Variants in SMAD6 observed in about 807,000 individuals in gnomAD.
SMAD6 encodes the protein SMAD family member 6.
SMAD6 carries 103 observed loss-of-function variants against 39.4 expected under a neutral mutation model. The observed-to-expected ratio is 2.62, with a 90% confidence interval of 2.23 to 3.08. The LOEUF (loss-of-function observed/expected upper bound fraction) is 3.08. SMAD6 is among the 30% of genes most tolerant of loss of function. SMAD6 has a pLI of 0.00. For missense variants in SMAD6, 1,104 were observed against 742.9 expected (o/e 1.49, Z -5.65); for synonymous variants, 445 against 353.3 (o/e 1.26, Z -2.91).
At chr15:66,732,031 C>T (rs529564213) in intron 3 of SMAD6, among the ~76,000 whole-genome samples, 55 of 150,636 alleles carry the variant, frequency 3.7e-4, no homozygotes, top group African/African-American at 1.2e-3. Flanking sequence ...GTAACCTCTG[C>T]CTCCCGGGTT....
chr15:66,741,920 G>T (rs1893822342), intron 3 of SMAD6, among the ~76,000 whole-genome samples: 1 of 152,176 alleles, frequency 6.6e-6, no homozygotes, highest in South Asian at 2.1e-4. Context: ...CTCCTGGTTG[G>T]GGTTCCCTGC....
intron 3 of SMAD6, among the ~76,000 whole-genome samples, chr15:66,779,939 G>C (rs1567115467): frequency 6.6e-6 from 1 of 152,342 alleles, no homozygotes; most frequent in East Asian, 1.9e-4. Flanking sequence ...GGCCACATGA[G>C]AGCAGGGAGC....
chr15:66,717,101 G>A (rs749807803), intron 3 of SMAD6: 62 of 1,288,766 alleles, frequency 4.8e-5, no homozygotes, highest in African/African-American at 6.1e-5. Context: ...CCCTACATCC[G>A]GAGGAATACC....
At chr15:66,734,340 C>A (rs1366295732) in intron 3 of SMAD6, among the ~76,000 whole-genome samples, 1 of 152,172 alleles carries the variant, frequency 6.6e-6, no homozygotes, top group Non-Finnish European at 1.5e-5. Flanking sequence ...CACTGGAACG[C>A]ATTAATGCTC....
At chr15:66,768,202 G>A (rs1291115980) in intron 3 of SMAD6, among the ~76,000 whole-genome samples, 1 of 151,978 alleles carries the variant, frequency 6.6e-6, no homozygotes, top group Non-Finnish European at 1.5e-5. Context: ...GAACTCCTGG[G>A]CGCAAGTGAA....
intron 3 of SMAD6, among the ~76,000 whole-genome samples, chr15:66,760,715 C>T (rs1014517145): frequency 6.6e-6 from 1 of 152,200 alleles, no homozygotes; most frequent in Admixed American, 6.5e-5. Flanking sequence ...TCCTCAAACA[C>T]ACCCAGACAC....
intron 3 of SMAD6, among the ~76,000 whole-genome samples, chr15:66,776,673 T>C (rs1191873818): frequency 6.6e-6 from 1 of 152,144 alleles, no homozygotes; most frequent in East Asian, 1.9e-4. Context: ...ATTATTAGAC[T>C]CCATTAGTGG....
chr15:66,735,051 G>A (rs546416025), intron 3 of SMAD6, among the ~76,000 whole-genome samples: 1 of 152,226 alleles, frequency 6.6e-6, no homozygotes, highest in Non-Finnish European at 1.5e-5. Flanking sequence ...GCCACGGCCA[G>A]CTCGGCCTTT....
intron 3 of SMAD6, among the ~76,000 whole-genome samples, chr15:66,741,459 C>T (rs534339321): frequency 1.3e-5 from 2 of 152,300 alleles, no homozygotes; most frequent in South Asian, 4.1e-4. Flanking sequence ...CCTTTTCCTG[C>T]TCCTGGCCTC....
At chr15:66,708,942 A>G (rs1040633057) in intron 1 of SMAD6, among the ~76,000 whole-genome samples, 15 of 152,352 alleles carry the variant, frequency 9.8e-5, no homozygotes, top group African/African-American at 3.1e-4. Context: ...TTATATCTCA[A>G]TTTTTGGAAA....
chr15:66,714,456 T>A (rs1027605942), intron 2 of SMAD6, among the ~76,000 whole-genome samples: 16 of 152,294 alleles, frequency 1.1e-4, no homozygotes, highest in Non-Finnish European at 2.1e-4. Flanking sequence ...GATTTTGGTG[T>A]CCGGAAGTGG....
At chr15:66,710,336 G>A (rs934590917) in intron 1 of SMAD6, among the ~76,000 whole-genome samples, 3 of 152,284 alleles carry the variant, frequency 2.0e-5, no homozygotes, top group Middle Eastern at 3.4e-3. Flanking sequence ...AAATGTTCGC[G>A]TCTCTCTCAG....
chr15:66,729,197 A>T (rs1032881217), intron 3 of SMAD6, among the ~76,000 whole-genome samples: 7 of 151,910 alleles, frequency 4.6e-5, no homozygotes, highest in Non-Finnish European at 5.9e-5. Context: ...CCATCCTGCT[A>T]CTCAGACAAA....
intron 3 of SMAD6, among the ~76,000 whole-genome samples, chr15:66,718,733 G>A (rs752271963): frequency 1.8e-4 from 27 of 152,180 alleles, no homozygotes; most frequent in South Asian, 4.1e-4. Flanking sequence ...TAAGCTGCCC[G>A]CCTGCCTACT....
At chr15:66,727,853 A>C (rs759081977) in intron 3 of SMAD6, among the ~76,000 whole-genome samples, 1 of 151,162 alleles carries the variant, frequency 6.6e-6, no homozygotes. Flanking sequence ...CAAAGTGAGC[A>C]TTCTTTTTTT....
In SMAD6 at chr15:66,718,699, G is replaced by C. The variant is rs997153611; in HGVS notation, c.952+2201G>C. Among the ~76,000 whole-genome samples, 5 of 152,200 alleles carry C rather than the reference G, an allele frequency of 3.3e-5. No individual in the cohort carries two copies. In the East Asian group the frequency reaches 9.6e-4, roughly 29 times the overall value. On this transcript the variant is annotated intron_variant, in intron 3 of 3. Coordinates refer to ENST00000288840, the MANE Select transcript of SMAD6 (RefSeq NM_005585.5). ...TAGCTTTTCCAGCTTGCTCTGTGCT[G>C]TAGGGATCTGAGGTCCTGTGGGTTA...
chr15:66,766,795 A>G (rs1894296082), intron 3 of SMAD6, among the ~76,000 whole-genome samples: 1 of 152,244 alleles, frequency 6.6e-6, no homozygotes, highest in Non-Finnish European at 1.5e-5. Flanking sequence ...GGGCATTGCC[A>G]TCATCGAGTT....
chr15:66,744,747 G>T (rs1893878466), intron 3 of SMAD6, among the ~76,000 whole-genome samples: 1 of 152,228 alleles, frequency 6.6e-6, no homozygotes, highest in African/African-American at 2.4e-5. Flanking sequence ...CTAGATCCCA[G>T]CAGGAAAGTG....
At chr15:66,736,752 T>C (rs1408087400) in intron 3 of SMAD6, among the ~76,000 whole-genome samples, 1 of 151,960 alleles carries the variant, frequency 6.6e-6, no homozygotes, top group Admixed American at 6.6e-5. Flanking sequence ...CTGCAACCTC[T>C]GCCCCACCCT....
Sources: gnomAD v4.1 joint callset for allele counts (sites outside exome capture counted in the v4.1 genomes callset) on GRCh38, gnomAD v4.1.1 for gene constraint, MANE v1.5 for transcripts, NCBI Gene and HGNC (gene_info 2026-07-23, HGNC 2026-07-21) for gene names.